TGFBRAP1: variants seen among roughly 807,000 people sequenced by gnomAD.
The protein encoded by TGFBRAP1 is transforming growth factor beta receptor associated protein 1.
Under a neutral mutation model 83.2 loss-of-function variants are expected in TGFBRAP1, and 20 were observed. The observed-to-expected ratio is 0.24, with a 90% CI of 0.17 to 0.35. The LOEUF (loss-of-function observed/expected upper bound fraction) is 0.35. Ranked by LOEUF, TGFBRAP1 falls within the 10% of genes least tolerant of loss-of-function variation. The pLI is 1.00. For synonymous variants in TGFBRAP1, 415 were observed against 459.8 expected, an observed-to-expected ratio of 0.90 and a Z score of 1.25; for missense variants, 950 against 1,099.4, an observed-to-expected ratio of 0.86 and a Z score of 1.92.
chr2:105,311,708 G>A (rs1678699005), intron 1 of TGFBRAP1, among the ~76,000 whole-genome samples: 1 of 152,174 alleles, frequency 6.6e-6, no homozygotes, highest in East Asian at 1.9e-4. Flanking sequence ...AGACCAGCCT[G>A]CCCAACATGG....
chr2:105,258,063 C>T, the TGFBRAP1 span, among the ~76,000 whole-genome samples: 6 of 152,120 alleles, frequency 3.9e-5, no homozygotes, highest in Non-Finnish European at 8.8e-5. Context: ...TTGATGAGTC[C>T]CTCAGTCCCT....
chr2:105,303,815 G>C (rs1678390466), intron 2 of TGFBRAP1, among the ~76,000 whole-genome samples: 1 of 152,134 alleles, frequency 6.6e-6, no homozygotes, highest in South Asian at 2.1e-4. Context: ...AGAAAACACA[G>C]AGGTCAGAGA....
chr2:105,294,345 A>G (rs1678013059), intron 4 of TGFBRAP1, among the ~76,000 whole-genome samples: 1 of 140,450 alleles, frequency 7.1e-6, no homozygotes, highest in Admixed American at 7.1e-5. Flanking sequence ...TGTAAAAGAC[A>G]AGGAGGCCAC....
At position 105,273,565 on chromosome 2, in the gene TGFBRAP1, A is replaced by C. The variant is rs1677232632; in HGVS notation, c.1791T>G (p.Leu597=). Residue 597 remains leucine (L), a synonymous_variant, in exon 9 of 12, where the codon CTT becomes CTG. Coordinates refer to ENST00000393359, the MANE Select transcript of TGFBRAP1 (RefSeq NM_004257.6). ...TCACCTGCAGTCTCTTGTCTATCAC[A>C]AGATGTTCCAGATACTTCACAAGGG... is the stretch of plus-strand genomic sequence containing the variant. ...PKALVKYLEH[L]VIDKRLQKEE... 1 of 1,614,174 alleles carries C rather than the reference A, an allele frequency of 6.2e-7. No homozygotes were observed. The highest frequency in any genetic ancestry group is 2.2e-5 in the East Asian group (1 of 44,876).
intron 2 of TGFBRAP1, among the ~76,000 whole-genome samples, chr2:105,301,809 G>A (rs1678304450): frequency 1.3e-5 from 2 of 152,076 alleles, no homozygotes; most frequent in Middle Eastern, 3.2e-3. Flanking sequence ...CACAATTACA[G>A]AGCAACACAG....
chr2:105,315,559 A>C (rs1678828975), intron 1 of TGFBRAP1, among the ~76,000 whole-genome samples: 1 of 152,254 alleles, frequency 6.6e-6, no homozygotes, highest in African/African-American at 2.4e-5. Flanking sequence ...CAAATGACTC[A>C]AACACTTCAC....
In TGFBRAP1 at chr2:105,283,677, C is replaced by T. The variant is rs577396445; in HGVS notation, c.1121+639G>A. On this transcript the variant is annotated intron_variant, in intron 5 of 11. Coordinates refer to ENST00000393359, the MANE Select transcript of TGFBRAP1 (RefSeq NM_004257.6). Reference sequence around the variant, plus strand: ...TGAGCACTCAGCTGTGGGACAAGGGCAGCTGGAGGTGGCATGACAGCAAGG... The same window carrying T: ...TGAGCACTCAGCTGTGGGACAAGGGTAGCTGGAGGTGGCATGACAGCAAGG... 2.4e-4 allele frequency among the ~76,000 whole-genome samples: 36 copies of T among 152,318 alleles called. No homozygotes were observed. The South Asian group carries it at 6.6e-3, about 28-fold the overall frequency.
chr2:105,259,358 C>T, the TGFBRAP1 span, among the ~76,000 whole-genome samples: 1 of 152,178 alleles, frequency 6.6e-6, no homozygotes, highest in Non-Finnish European at 1.5e-5. Context: ...GTCTATACTG[C>T]CTGCAAAGTC....
the TGFBRAP1 span, among the ~76,000 whole-genome samples, chr2:105,253,050 A>G: frequency 0.85 from 129,682 of 152,146 alleles, 55,628 homozygotes; most frequent in African/African-American, 0.93. Flanking sequence ...CACCACGCCC[A>G]GCCAAGGTGA....
chr2:105,268,753 A>C (rs1481038722), intron 11 of TGFBRAP1, among the ~76,000 whole-genome samples: 1 of 152,210 alleles, frequency 6.6e-6, no homozygotes, highest in Non-Finnish European at 1.5e-5. Context: ...GCCCACAAGA[A>C]AGAAGTCTCC....
chr2:105,261,484 GCTCAAGC>G (rs1249978502), downstream of TGFBRAP1, among the ~76,000 whole-genome samples: 4 of 152,162 alleles, frequency 2.6e-5, no homozygotes, highest in South Asian at 8.3e-4. Flanking sequence ...GGGCACAGTG[GCTCAAGC>G]CTGTAATCTC....
chr2:105,321,827 T>C (rs1239295688), intron 1 of TGFBRAP1, among the ~76,000 whole-genome samples: 2 of 152,222 alleles, frequency 1.3e-5, no homozygotes, highest in Non-Finnish European at 2.9e-5. Context: ...GTGCCAGTCG[T>C]TGAAAAGTCT....
chr2:105,272,042 C>G (rs1677173380), intron 10 of TGFBRAP1, among the ~76,000 whole-genome samples: 1 of 152,130 alleles, frequency 6.6e-6, no homozygotes, highest in South Asian at 2.1e-4. Context: ...TTTATGGAGA[C>G]AACACGTGTG....
chr2:105,292,600 C>T (rs891280070), intron 4 of TGFBRAP1, among the ~76,000 whole-genome samples: 8 of 149,090 alleles, frequency 5.4e-5, no homozygotes, highest in African/African-American at 2.0e-4. Context: ...CACAGAGGGA[C>T]AGTGGGAAGG....
At chr2:105,317,687 T>C (rs1238569874) in intron 1 of TGFBRAP1, among the ~76,000 whole-genome samples, 3 of 152,022 alleles carry the variant, frequency 2.0e-5, no homozygotes, top group Admixed American at 6.6e-5. Context: ...AAAGACACCA[T>C]GAAGAAAGTG....
chr2:105,273,591 C>T lies in TGFBRAP1; in HGVS notation c.1765G>A (p.Ala589Thr). ...IINCLKKYPK[A>T]LVKYLEHLVI... ...AGATGTTCCAGATACTTCACAAGGG[C>T]TTTAGGGTATTTTTTAAGGCAATTG... Residue 589 changes from alanine to threonine, a missense_variant, in exon 9 of 12, where the codon GCC (alanine) becomes ACC (threonine). Physicochemically the swap from Ala to Thr is moderately conservative, Grantham distance 58. Transcript: ENST00000393359. 6.2e-7 allele frequency: 1 copy of T among 1,614,184 alleles called. No homozygotes were observed.
chr2:105,270,897 T>C (rs1179584279), intron 10 of TGFBRAP1, among the ~76,000 whole-genome samples: 1 of 152,198 alleles, frequency 6.6e-6, no homozygotes, highest in Non-Finnish European at 1.5e-5. Context: ...CCACCCCGAG[T>C]GGATAGGTTG....
At chr2:105,289,595 G>T (rs1276095880) in intron 4 of TGFBRAP1, among the ~76,000 whole-genome samples, 1 of 152,136 alleles carries the variant, frequency 6.6e-6, no homozygotes, top group Non-Finnish European at 1.5e-5. Flanking sequence ...TGTGTAACTT[G>T]TTCTACCTTA....
At chr2:105,298,343 G>A (rs1238920138) in intron 3 of TGFBRAP1, among the ~76,000 whole-genome samples, 168 bp downstream of exon 3, 3 of 152,094 alleles carry the variant, frequency 2.0e-5, no homozygotes, top group Non-Finnish European at 2.9e-5. Context: ...TTGTTTAAAT[G>A]TCTGTCTCCC....
Sources: allele counts gnomAD v4.1 joint callset (sites outside exome capture counted in the v4.1 genomes callset), GRCh38; gene constraint gnomAD v4.1.1; transcripts MANE v1.5; gene names NCBI Gene and HGNC (gene_info 2026-07-23, HGNC 2026-07-21).